KANK1: variants seen among roughly 807,000 people sequenced by gnomAD.
The protein encoded by KANK1 is KN motif and ankyrin repeat domain-containing protein 1.
Under a neutral mutation model 106.2 loss-of-function variants are expected in KANK1, and 109 were observed. That is an observed-to-expected ratio of 1.03 (90% CI 0.88 to 1.20). The LOEUF (loss-of-function observed/expected upper bound fraction) is 1.20. Among genes scored for constraint, KANK1 ranks in the 50% most tolerant of loss-of-function variants. The pLI, the probability that KANK1 is intolerant of heterozygous loss-of-function variation, is 0.00. For missense variants in KANK1, 2,399 were observed against 1,710.7 expected, an observed-to-expected ratio of 1.40 and a Z score of -7.10; for synonymous variants, 873 against 652.2, an observed-to-expected ratio of 1.34 and a Z score of -5.16.
intron 1 of KANK1, among the ~76,000 whole-genome samples, chr9:514,386 C>G (rs1389687172): frequency 6.7e-6 from 1 of 149,344 alleles, no homozygotes; most frequent in Non-Finnish European, 1.5e-5. Context: ...GTTCAGCTCA[C>G]TTTTCTGCCA....
chr9:638,876 G>A (rs1837743215), intron 1 of KANK1, among the ~76,000 whole-genome samples: 3 of 152,210 alleles, frequency 2.0e-5, no homozygotes, highest in African/African-American at 4.8e-5. Context: ...CAGATAAAAG[G>A]GCATCAGCAA....
At chr9:547,196 A>C (rs556737524) in intron 1 of KANK1, 1 of 152,210 alleles carries the variant, frequency 6.6e-6, no homozygotes, top group East Asian at 1.9e-4. Flanking sequence ...TGTTTTGCTC[A>C]GTACAAAAGG....
chr9:638,497 T>G (rs1837646556), intron 1 of KANK1, among the ~76,000 whole-genome samples: 1 of 152,182 alleles, frequency 6.6e-6, no homozygotes, highest in Non-Finnish European at 1.5e-5. Context: ...TAAACAGAGT[T>G]TCAGATAAAT....
At chr9:504,830 G>A (rs1359029475) in intron 1 of KANK1, 76 bp downstream of exon 1, 1 of 122,530 alleles carries the variant, frequency 8.2e-6, no homozygotes, top group African/African-American at 2.9e-5. Flanking sequence ...CCCTACCCCT[G>A]CCTCGGGCTG....
chr9:578,034 C>A (rs1474578452), intron 1 of KANK1, among the ~76,000 whole-genome samples: 1 of 152,038 alleles, frequency 6.6e-6, no homozygotes, highest in African/African-American at 2.4e-5. Context: ...AACCAGGTCA[C>A]CCCTAGATGT....
intron 1 of KANK1, among the ~76,000 whole-genome samples, chr9:616,673 T>C (rs559496758): frequency 5.9e-5 from 9 of 152,304 alleles, no homozygotes; most frequent in Non-Finnish European, 8.8e-5. Context: ...CAAATCTCAG[T>C]GGCTTTCAAC....
chr9:537,326 G>C (rs1029642063), intron 1 of KANK1, among the ~76,000 whole-genome samples: 16 of 152,174 alleles, frequency 1.1e-4, no homozygotes, highest in African/African-American at 3.6e-4. Flanking sequence ...CTTGGAATTT[G>C]ATACCAGTTC....
chr9:642,889 T>C (rs1427229997), intron 1 of KANK1, among the ~76,000 whole-genome samples: 1 of 150,392 alleles, frequency 6.6e-6, no homozygotes, highest in Non-Finnish European at 1.5e-5. Flanking sequence ...GTAAAGCCAG[T>C]GTCGAAGTAA....
At chr9:693,527 C>T in intron 2 of KANK1, 1 of 985,374 alleles carries the variant, frequency 1.0e-6, no homozygotes, top group Non-Finnish European at 1.2e-6. Flanking sequence ...GGCTTTGCCT[C>T]TTTTTTAAGA....
In KANK1 at chr9:732,292, A is replaced by C. The variant is rs1275569827; in HGVS notation, c.3006-86A>C. 11 of 1,478,546 alleles carry C rather than the reference A, an allele frequency of 7.4e-6. No individual in the cohort carries two copies. The East Asian group carries it at 2.1e-4, about 28-fold the overall frequency. The allele number at this position is 1,478,546 out of a possible 1,614,324, so 91.6% of individuals were successfully genotyped here. ...AACCACTAGTGAAATTTCTGGAGTC[A>C]ATTAGCAAATCCCTTCATAGAAATT... On this transcript the variant is annotated intron_variant, in intron 5 of 11. Transcript: ENST00000382297.
chr9:702,166 C>G (rs1221870326), intron 2 of KANK1, among the ~76,000 whole-genome samples: 1 of 152,102 alleles, frequency 6.6e-6, no homozygotes. Context: ...AGTGTGCAAA[C>G]TTAGTTGGGA....
At chr9:690,507 T>C (rs1235851421) in intron 2 of KANK1, among the ~76,000 whole-genome samples, 1 of 151,712 alleles carries the variant, frequency 6.6e-6, no homozygotes, top group Non-Finnish European at 1.5e-5. Context: ...ATTAAATGAG[T>C]TCGTGTATGT....
At chr9:699,467 G>A (rs1822123146) in intron 2 of KANK1, among the ~76,000 whole-genome samples, 1 of 152,214 alleles carries the variant, frequency 6.6e-6, no homozygotes, top group Admixed American at 6.5e-5. Flanking sequence ...GTAGTGATGG[G>A]AGACAGTGGA....
intron 1 of KANK1, among the ~76,000 whole-genome samples, chr9:508,081 C>T (rs2058849885): frequency 6.7e-6 from 1 of 149,562 alleles, no homozygotes; most frequent in African/African-American, 2.5e-5. Context: ...CTCTGCCTCC[C>T]AAAGTGTTGG....
chr9:725,689 T>A (rs1307731730), intron 3 of KANK1, among the ~76,000 whole-genome samples: 1 of 152,076 alleles, frequency 6.6e-6, no homozygotes, highest in African/African-American at 2.4e-5. Flanking sequence ...TGCAGAATGA[T>A]CTCCTGGCAG....
chr9:537,036 G>T (rs976161621), intron 1 of KANK1, among the ~76,000 whole-genome samples: 1 of 152,168 alleles, frequency 6.6e-6, no homozygotes, highest in Non-Finnish European at 1.5e-5. Flanking sequence ...ACAAGGAAGC[G>T]AGAGAGAAGC....
intron 1 of KANK1, among the ~76,000 whole-genome samples, chr9:510,734 A>G (rs1027904558): frequency 3.3e-5 from 5 of 152,166 alleles, no homozygotes; most frequent in African/African-American, 9.7e-5. Flanking sequence ...AAGTACTTGG[A>G]GGATTTTGGG....
At chr9:728,206 T>G (rs1831255393) in intron 3 of KANK1, among the ~76,000 whole-genome samples, 1 of 152,198 alleles carries the variant, frequency 6.6e-6, no homozygotes, top group Non-Finnish European at 1.5e-5. Context: ...TTCTTTTGTT[T>G]TCTTGAGATG....
At chr9:689,694 C>G (rs2139407301) in intron 2 of KANK1, among the ~76,000 whole-genome samples, 1 of 152,236 alleles carries the variant, frequency 6.6e-6, no homozygotes, top group Middle Eastern at 3.4e-3. Context: ...CATTGCAGCT[C>G]ACAGTGTAGG....
Sources: gnomAD v4.1 joint callset for allele counts (sites outside exome capture counted in the v4.1 genomes callset) on GRCh38, gnomAD v4.1.1 for gene constraint, MANE v1.5 for transcripts, NCBI Gene and HGNC (gene_info 2026-07-23, HGNC 2026-07-21) for gene names.